Variants in PRTG observed in about 807,000 individuals in gnomAD.
PRTG encodes protogenin, also known as immunoglobulin superfamily, DCC subclass, member 5.
Under a neutral mutation model 122.5 loss-of-function variants are expected in PRTG, and 67 were observed. The ratio of observed to expected loss-of-function variants is 0.55; its 90% CI spans 0.45 to 0.67. The LOEUF (loss-of-function observed/expected upper bound fraction) is 0.67. Among genes scored for constraint, PRTG ranks in the 30% least tolerant of loss-of-function variants. The probability of loss-of-function intolerance (pLI) is 0.00; values close to 1 mark genes in which losing one functional copy is unlikely to be tolerated. For missense variants in PRTG, 1,435 were observed against 1,415.4 expected, an observed-to-expected ratio of 1.01 and a Z score of -0.22; for synonymous variants, 554 against 501.1, an observed-to-expected ratio of 1.11 and a Z score of -1.41.
intron 11 of PRTG, among the ~76,000 whole-genome samples, chr15:55,653,916 C>A (rs1183710107): frequency 6.6e-6 from 1 of 152,174 alleles, no homozygotes; most frequent in Non-Finnish European, 1.5e-5. Context: ...AATTGTCCAT[C>A]AGGCTTTTAA....
At chr15:55,657,589 T>C (rs986218707) in intron 11 of PRTG, among the ~76,000 whole-genome samples, 2 of 152,224 alleles carry the variant, frequency 1.3e-5, no homozygotes, top group Admixed American at 6.5e-5. Flanking sequence ...TACAGCGTTT[T>C]TCTGGAGGTA....
intron 2 of PRTG, among the ~76,000 whole-genome samples, chr15:55,686,625 C>A (rs1386059973): frequency 3.3e-5 from 5 of 152,094 alleles, no homozygotes; most frequent in Non-Finnish European, 5.9e-5. Context: ...GCTGGTATCT[C>A]CCCTGCCAGC....
At chr15:55,664,985 G>A (rs939219797) in intron 11 of PRTG, among the ~76,000 whole-genome samples, 6 of 151,994 alleles carry the variant, frequency 3.9e-5, no homozygotes, top group African/African-American at 9.7e-5. Flanking sequence ...TTGGCCAGGC[G>A]CAGTGGCTCA....
intron 1 of PRTG, among the ~76,000 whole-genome samples, chr15:55,741,824 C>A (rs937387073): frequency 6.6e-6 from 1 of 152,236 alleles, no homozygotes; most frequent in Non-Finnish European, 1.5e-5. Flanking sequence ...GCGCTGTGCG[C>A]GGACCACTCC....
rs528798572 is a variant in PRTG, at chr15:55,702,393, A to T, written c.398-18462T>A. Among the ~76,000 whole-genome samples the T allele has an allele frequency of 3.2e-3, 487 of 152,220 alleles. 3 individuals are homozygous for T. Among genetic ancestry groups the T allele is most frequent in the African/African-American group, 6.6e-3 (275 of 41,544 alleles). ...ACAGAATAGAGTCTTTTATCTTTTT[A>T]TTTCTGGCACAGCACCACAGATAGA... On this transcript the variant is annotated intron_variant, in intron 2 of 19. Coordinates refer to ENST00000389286, the MANE Select transcript of PRTG (RefSeq NM_173814.6).
At chr15:55,629,389 G>A (rs1041135820) in intron 15 of PRTG, among the ~76,000 whole-genome samples, 8 of 104,176 alleles carry the variant, frequency 7.7e-5, no homozygotes, top group African/African-American at 3.9e-4. Flanking sequence ...GTGTGTGTGT[G>A]TGTGTGTGTG....
intron 2 of PRTG, among the ~76,000 whole-genome samples, chr15:55,723,752 C>CTTTTTTTTTTTTT (rs769469226): frequency 4.7e-5 from 6 of 127,096 alleles, no homozygotes; most frequent in Non-Finnish European, 9.6e-5. Context: ...TTTCTTTTTT[C>CTTTTTTTTTTTTT]TTTTTTTTTT....
At chr15:55,678,295 G>A (rs1472729054) in intron 7 of PRTG, among the ~76,000 whole-genome samples, 1 of 152,158 alleles carries the variant, frequency 6.6e-6, no homozygotes, top group Non-Finnish European at 1.5e-5. Flanking sequence ...AGGCTGAAGT[G>A]CAGTGTCACA....
intron 13 of PRTG, 79 bp from the exon 14 acceptor site, chr15:55,638,755 G>T: frequency 7.9e-7 from 1 of 1,268,492 alleles, no homozygotes. Context: ...TTCCAAATAG[G>T]TAAGGGCATA....
chr15:55,620,576 A>G (rs1034483293), intron 19 of PRTG, 87 bp downstream of exon 19: 3 of 1,486,528 alleles, frequency 2.0e-6, no homozygotes, highest in Admixed American at 2.5e-5. Context: ...AAATTAAAAT[A>G]AAGCATGAAT....
At position 55,736,855 on chromosome 15, in the gene PRTG, A is replaced by G. The variant is rs531709875; in HGVS notation, c.397+3527T>C. On this transcript the variant is annotated intron_variant, in intron 2 of 19. Transcript: ENST00000389286. ...TTTCCACCTTTTATGGAAAGGAAAT[A>G]AACAACTAGCTTCCTGTTCAATCAC... 3.9e-5 allele frequency among the ~76,000 whole-genome samples: 6 copies of G among 152,318 alleles called. No homozygotes were observed. In the East Asian group the frequency reaches 1.2e-3, roughly 29 times the overall value.
At chr15:55,679,763 T>G in intron 6 of PRTG, 1 of 428,956 alleles carries the variant, frequency 2.3e-6, no homozygotes, top group East Asian at 3.9e-5. Context: ...GAGATTAAAT[T>G]TTTAAATTGG....
At chr15:55,685,654 A>T (rs1360340278) in intron 2 of PRTG, among the ~76,000 whole-genome samples, 1 of 152,202 alleles carries the variant, frequency 6.6e-6, no homozygotes, top group Non-Finnish European at 1.5e-5. Context: ...CCTCTGGAAA[A>T]TAGTTATATT....
chr15:55,683,866 C>T lies in PRTG; in HGVS notation c.463G>A (p.Ala155Thr). The change falls in exon 3 of 20, where the codon GCA (alanine) becomes ACA (threonine). Residue 155 changes from alanine (A) to threonine (T), a missense_variant. Transcript: ENST00000389286. ...EVHEGGVARF[A>T]CKISSHPPAV... is the part of the protein sequence containing the mutation. The stretch of plus-strand genomic sequence containing the variant: ...GGAGGGTGGGATGAAATCTTGCATG[C>T]AAATCGAGCAACTCCACCTTCGTGG... The T allele has an allele frequency of 6.2e-7, 1 of 1,613,934 alleles. No homozygotes were observed. The highest frequency in any genetic ancestry group is 8.5e-7 in the Non-Finnish European group (1 of 1,179,864).
chr15:55,727,538 G>A (rs1407501891), intron 2 of PRTG, among the ~76,000 whole-genome samples: 3 of 152,224 alleles, frequency 2.0e-5, no homozygotes, highest in Non-Finnish European at 4.4e-5. Context: ...GCTCACGCCT[G>A]TAATCCCAGC....
chr15:55,679,546 A>T lies in PRTG; in HGVS notation c.974-101T>A, dbSNP rs568395672. ...CAAATGAAACAAGCCCCATTCCTGA[A>T]GATGCCTGACATGCTGAGCTCCTGT... On this transcript the variant is annotated intron_variant, in intron 6 of 19. Transcript: ENST00000389286. 77 of 839,280 alleles carry T rather than the reference A, an allele frequency of 9.2e-5. 1 individual carries two copies. The highest frequency in any genetic ancestry group is 8.2e-4 in the Admixed American group (31 of 37,638). 52.0% of individuals were successfully genotyped at this position (839,280 alleles called of 1,614,324 possible). A position where few individuals can be genotyped will look rare whatever the true frequency, so the allele number is the denominator to read the frequency against.
chr15:55,627,240 T>A (rs1423843355), intron 16 of PRTG, 112 bp from the exon 17 acceptor site: 3 of 610,750 alleles, frequency 4.9e-6, no homozygotes, highest in Non-Finnish European at 7.8e-6. Context: ...AGGAAAAGTT[T>A]TGACATTGTC....
chr15:55,692,088 T>C (rs753988453), intron 2 of PRTG, among the ~76,000 whole-genome samples: 10 of 152,016 alleles, frequency 6.6e-5, no homozygotes, highest in African/African-American at 9.7e-5. Flanking sequence ...GTAAACTCAG[T>C]TATACTACCT....
At chr15:55,622,213 C>CTTTT (rs1469860343) in intron 18 of PRTG, among the ~76,000 whole-genome samples, 2 of 116,848 alleles carry the variant, frequency 1.7e-5, no homozygotes, top group African/African-American at 6.5e-5. Flanking sequence ...CATATTAGTA[C>CTTTT]TTGTTTTTTT....
Sources: gnomAD v4.1 joint callset for allele counts (sites outside exome capture counted in the v4.1 genomes callset) on GRCh38, gnomAD v4.1.1 for gene constraint, MANE v1.5 for transcripts, NCBI Gene and HGNC (gene_info 2026-07-23, HGNC 2026-07-21) for gene names.